The following CHD6 variants were observed in gnomAD, a reference collection of about 807,000 sequenced individuals.
CHD6 encodes the protein ATP-dependent chromatin remodeler CHD6.
A neutral mutation model predicts 276.9 loss-of-function variants in CHD6; 50 were observed. The ratio of observed to expected loss-of-function variants is 0.18; its 90% CI spans 0.14 to 0.23. The LOEUF is 0.23. CHD6 is among the 10% of genes least tolerant of loss of function. CHD6 has a pLI of 1.00. For synonymous variants in CHD6, 1,173 were observed against 1,229.3 expected, an observed-to-expected ratio of 0.95 and a Z score of 0.96; for missense variants, 2,564 against 3,365.8, an observed-to-expected ratio of 0.76 and a Z score of 5.89.
chr20:41,487,830 G>C, intron 13 of CHD6, 22 bp from the exon 14 acceptor site: 1 of 1,604,476 alleles, frequency 6.2e-7, no homozygotes. Context: ...AAACATACAT[G>C]ATGGACAGTG....
At chr20:41,541,969 C>CAA (rs2044951279) in intron 2 of CHD6, among the ~76,000 whole-genome samples, 1 of 152,060 alleles carries the variant, frequency 6.6e-6, no homozygotes, top group African/African-American at 2.4e-5. Context: ...TAGGCAGTAA[C>CAA]AAAAACTGTG....
intron 1 of CHD6, among the ~76,000 whole-genome samples, chr20:41,584,772 A>T (rs1246581424): frequency 1.3e-5 from 2 of 152,168 alleles, no homozygotes; most frequent in Admixed American, 1.3e-4. Context: ...CAAAATCAAA[A>T]CAACATGAAA....
chr20:41,555,133 C>T (rs1462120771), intron 1 of CHD6, among the ~76,000 whole-genome samples: 47 of 135,852 alleles, frequency 3.5e-4, no homozygotes, highest in Non-Finnish European at 5.4e-4. Context: ...CCCTCCCCGA[C>T]GGGGCGGCTG....
At chr20:41,463,943 C>A (rs749060071) in intron 17 of CHD6, among the ~76,000 whole-genome samples, 5 of 152,100 alleles carry the variant, frequency 3.3e-5, no homozygotes, top group Admixed American at 2.6e-4. Flanking sequence ...ACAATGCCTG[C>A]AACTTACTCT....
chr20:41,454,532 T>A (rs1193118439), intron 20 of CHD6, 94 bp downstream of exon 20: 4 of 938,550 alleles, frequency 4.3e-6, no homozygotes, highest in Non-Finnish European at 6.6e-6. Flanking sequence ...GAACCAAGAC[T>A]CAAGAGTAAA....
chr20:41,504,659 C>T (rs1323722192), intron 5 of CHD6, among the ~76,000 whole-genome samples: 1 of 152,130 alleles, frequency 6.6e-6, no homozygotes, highest in African/African-American at 2.4e-5. Flanking sequence ...AATACTCCAG[C>T]CTTGGTCTCC....
intron 1 of CHD6, among the ~76,000 whole-genome samples, chr20:41,594,693 A>G (rs2045699376): frequency 6.6e-6 from 1 of 152,206 alleles, no homozygotes; most frequent in South Asian, 2.1e-4. Context: ...TGCTTAATCT[A>G]TAACTAGCAA....
chr20:41,415,513 G>C lies in CHD6; in HGVS notation c.6612C>G (p.Thr2204=), dbSNP rs1313420765. 1 of 1,614,078 alleles carries C rather than the reference G, an allele frequency of 6.2e-7. No homozygotes were observed. Among genetic ancestry groups the C allele is most frequent in the East Asian group, 2.2e-5 (1 of 44,886 alleles). Residue 2204 remains threonine, a synonymous_variant, in exon 34 of 37, where the codon ACC becomes ACG. Coordinates refer to ENST00000373233, the MANE Select transcript of CHD6 (RefSeq NM_032221.5). ...LEQFSATHGH[T]PIILNGWHGE... Reference sequence around the variant, plus strand: ...CATGCCAGCCATTGAGGATGATAGGGGTGTGCCCGTGGGTGGCAGAGAACT... The same window carrying C: ...CATGCCAGCCATTGAGGATGATAGGCGTGTGCCCGTGGGTGGCAGAGAACT...
chr20:41,544,823 T>G (rs116181894), intron 2 of CHD6, among the ~76,000 whole-genome samples: 257 of 151,834 alleles, frequency 1.7e-3, no homozygotes, highest in African/African-American at 6.1e-3. Flanking sequence ...TAGTAATATA[T>G]GATTACTATG....
chr20:41,412,981 T>C (rs986903296), intron 35 of CHD6, among the ~76,000 whole-genome samples: 1 of 152,154 alleles, frequency 6.6e-6, no homozygotes, highest in Admixed American at 6.5e-5. Flanking sequence ...AAAGGAACAT[T>C]TTCATAGGTG....
At chr20:41,497,705 G>T (rs2043721822) in intron 7 of CHD6, 1 of 567,216 alleles carries the variant, frequency 1.8e-6, no homozygotes, top group African/African-American at 1.9e-5. Flanking sequence ...CCAAGCAACT[G>T]ATCTCTCTGC....
At chr20:41,572,641 C>T (rs983216613) in intron 1 of CHD6, among the ~76,000 whole-genome samples, 12 of 152,136 alleles carry the variant, frequency 7.9e-5, no homozygotes, top group African/African-American at 2.9e-4. Flanking sequence ...GTAGCCACAG[C>T]GGCACCCAAC....
At chr20:41,541,066 T>C (rs1490631503) in intron 2 of CHD6, among the ~76,000 whole-genome samples, 4 of 151,958 alleles carry the variant, frequency 2.6e-5, no homozygotes, top group Non-Finnish European at 4.4e-5. Context: ...CCTCAGCTTT[T>C]ATTTTGCTGC....
chr20:41,587,817 G>C (rs2045611702), intron 1 of CHD6, among the ~76,000 whole-genome samples: 1 of 137,824 alleles, frequency 7.3e-6, no homozygotes, highest in South Asian at 2.3e-4. Flanking sequence ...CATTTCTGTA[G>C]TGAAAAACAA....
chr20:41,462,693 C>T (rs1041047708), intron 17 of CHD6, among the ~76,000 whole-genome samples: 1 of 152,152 alleles, frequency 6.6e-6, no homozygotes, highest in Non-Finnish European at 1.5e-5. Context: ...TTTATATACA[C>T]ACATACATAT....
intron 1 of CHD6, among the ~76,000 whole-genome samples, chr20:41,556,632 C>T (rs1369487513): frequency 6.6e-6 from 1 of 151,954 alleles, no homozygotes; most frequent in Non-Finnish European, 1.5e-5. Flanking sequence ...TGTAGAGTAA[C>T]TGTCTAGTTC....
At chr20:41,429,328 T>C (rs1327054911) in intron 27 of CHD6, among the ~76,000 whole-genome samples, 2 of 152,234 alleles carry the variant, frequency 1.3e-5, no homozygotes, top group Admixed American at 6.5e-5. Flanking sequence ...AAGGTTTCTG[T>C]AGGTTCACTG....
chr20:41,406,075 T>C (rs1407425212), intron 36 of CHD6, among the ~76,000 whole-genome samples: 1 of 152,198 alleles, frequency 6.6e-6, no homozygotes, highest in Non-Finnish European at 1.5e-5. Flanking sequence ...ACGTGTTTAA[T>C]ACATTACCTG....
intron 10 of CHD6, among the ~76,000 whole-genome samples, chr20:41,492,336 T>C (rs1256123872): frequency 6.6e-6 from 1 of 152,216 alleles, no homozygotes; most frequent in Non-Finnish European, 1.5e-5. Flanking sequence ...CTATTAACTA[T>C]GTAAGTTTCT....
Sources: gnomAD v4.1 joint callset for allele counts (sites outside exome capture counted in the v4.1 genomes callset) on GRCh38, gnomAD v4.1.1 for gene constraint, MANE v1.5 for transcripts, NCBI Gene and HGNC (gene_info 2026-07-23, HGNC 2026-07-21) for gene names.